PTK2: variants seen among roughly 807,000 people sequenced by gnomAD.
PTK2 encodes the protein protein tyrosine kinase 2, also known as focal adhesion kinase 1.
PTK2 carries 45 observed loss-of-function variants against 150.1 expected under a neutral mutation model. The ratio of observed to expected loss-of-function variants is 0.30; its 90% CI spans 0.24 to 0.38. PTK2 has a LOEUF of 0.38. Ranked by LOEUF, PTK2 falls within the 10% of genes least tolerant of loss-of-function variation. The pLI is 1.00. For synonymous variants in PTK2, 432 were observed against 449.2 expected, an observed-to-expected ratio of 0.96 and a Z score of 0.48; for missense variants, 919 against 1,307.3, an observed-to-expected ratio of 0.70 and a Z score of 4.58.
At chr8:140,925,628 T>G in intron 2 of PTK2, 33 bp downstream of exon 2, 1 of 983,556 alleles carries the variant, frequency 1.0e-6, no homozygotes, top group African/African-American at 1.7e-5. Context: ...CATTATTCAC[T>G]TTCTTTGCAA....
chr8:140,715,992 A>C (rs2100039491), intron 23 of PTK2, among the ~76,000 whole-genome samples: 1 of 152,194 alleles, frequency 6.6e-6, no homozygotes, highest in South Asian at 2.1e-4. Context: ...GTTTTAGGGA[A>C]GTGTTGCATT....
rs1268388822 is a variant in PTK2 at position 140,752,212 on chromosome 8, A to C, written c.1417+20T>G. On this transcript the variant is annotated intron_variant, in intron 17 of 31. Coordinates refer to ENST00000522684, the Ensembl canonical transcript of PTK2. Reference sequence around the variant, plus strand: ...GATAGAAAGTCAAATGGAGTTCCACAGAAATTTCTAGACACTTACAGGCTT... The same window carrying C: ...GATAGAAAGTCAAATGGAGTTCCACCGAAATTTCTAGACACTTACAGGCTT... 1.3e-5 allele frequency: 21 copies of C among 1,590,678 alleles called. No individual in the cohort carries two copies. Among genetic ancestry groups the C allele is most frequent in the Non-Finnish European group, 1.7e-5 (20 of 1,160,658 alleles).
At chr8:140,985,182 G>A (rs2100192859) in intron 1 of PTK2, among the ~76,000 whole-genome samples, 1 of 151,970 alleles carries the variant, frequency 6.6e-6, no homozygotes, top group South Asian at 2.1e-4. Flanking sequence ...AGAGTGCAGT[G>A]GCATGATCAT....
intron 22 of PTK2, among the ~76,000 whole-genome samples, chr8:140,730,930 G>T (rs2100048806): frequency 1.4e-5 from 2 of 144,886 alleles, no homozygotes; most frequent in African/African-American, 5.1e-5. Flanking sequence ...AGAATTAACT[G>T]AAGTAACCAG....
intron 20 of PTK2, among the ~76,000 whole-genome samples, chr8:140,740,604 T>A (rs1339259726): frequency 6.6e-6 from 1 of 152,236 alleles, no homozygotes; most frequent in Non-Finnish European, 1.5e-5. Flanking sequence ...AAGATATCTG[T>A]GTGAATTTGT....
chr8:140,794,151 A>C (rs966136254), intron 12 of PTK2, among the ~76,000 whole-genome samples: 8 of 152,186 alleles, frequency 5.3e-5, no homozygotes, highest in Non-Finnish European at 1.0e-4. Context: ...ATCTGAGCTA[A>C]ATTATTTCAG....
chr8:140,928,725 C>T (rs963826694), intron 1 of PTK2, among the ~76,000 whole-genome samples: 3 of 151,964 alleles, frequency 2.0e-5, no homozygotes, highest in African/African-American at 7.3e-5. Flanking sequence ...TATAACATAT[C>T]GAATGTAGTC....
intron 10 of PTK2, among the ~76,000 whole-genome samples, chr8:140,808,601 A>C (rs2100099503): frequency 6.6e-6 from 1 of 152,190 alleles, no homozygotes; most frequent in African/African-American, 2.4e-5. Context: ...AGCCAATATG[A>C]AATTTTTGGC....
chr8:140,721,711 C>T (rs1424068734), intron 22 of PTK2: 2 of 152,178 alleles, frequency 1.3e-5, no homozygotes, highest in Non-Finnish European at 2.9e-5. Context: ...TCATTATGCT[C>T]TCCCATGCCT....
At chr8:140,949,233 C>T (rs1274835981) in intron 1 of PTK2, among the ~76,000 whole-genome samples, 1 of 152,098 alleles carries the variant, frequency 6.6e-6, no homozygotes, top group African/African-American at 2.4e-5. Flanking sequence ...ATATACAAAA[C>T]GTGTTAATCA....
At chr8:140,792,492 C>T (rs1217912276) in intron 13 of PTK2, among the ~76,000 whole-genome samples, 5 of 152,220 alleles carry the variant, frequency 3.3e-5, no homozygotes, top group African/African-American at 1.2e-4. Flanking sequence ...GCTGATTCTG[C>T]TTTGTATCCA....
chr8:140,772,377 A>C (rs1242685942), intron 14 of PTK2, among the ~76,000 whole-genome samples: 1 of 152,184 alleles, frequency 6.6e-6, no homozygotes, highest in South Asian at 2.1e-4. Context: ...GGACCACAGA[A>C]GCAGAGCCTC....
At chr8:140,770,115 G>A (rs937636911) in intron 14 of PTK2, among the ~76,000 whole-genome samples, 1 of 152,176 alleles carries the variant, frequency 6.6e-6, no homozygotes, top group African/African-American at 2.4e-5. Context: ...ATAAACTGTG[G>A]GGAGTGCAGT....
chr8:140,958,206 T>C (rs2100181861), intron 1 of PTK2, among the ~76,000 whole-genome samples: 3 of 152,208 alleles, frequency 2.0e-5, no homozygotes, highest in African/African-American at 2.4e-5. Context: ...GGTGTGATCA[T>C]GCCTCACTGC....
chr8:140,902,940 T>TTTG (rs1568517208), intron 2 of PTK2, among the ~76,000 whole-genome samples: 48 of 136,602 alleles, frequency 3.5e-4, no homozygotes, highest in Non-Finnish European at 4.5e-4. Flanking sequence ...TTTTTTTTTT[T>TTTG]TTTTTTTTTT....
intron 16 of PTK2, among the ~76,000 whole-genome samples, chr8:140,758,584 A>G (rs1460434984): frequency 6.6e-6 from 1 of 152,204 alleles, no homozygotes; most frequent in East Asian, 1.9e-4. Context: ...GATGATCTCA[A>G]CACTGTGTAG....
intron 14 of PTK2, among the ~76,000 whole-genome samples, chr8:140,787,947 C>T (rs1018259053): frequency 1.3e-5 from 2 of 152,216 alleles, no homozygotes; most frequent in Admixed American, 1.3e-4. Flanking sequence ...GCTCCCTCCT[C>T]CAGACTCCTG....
chr8:140,968,024 TA>T (rs970648165), intron 1 of PTK2, among the ~76,000 whole-genome samples: 1 of 152,200 alleles, frequency 6.6e-6, no homozygotes, highest in Non-Finnish European at 1.5e-5. Context: ...TGCTTCAAAA[TA>T]ATTTTTTAGC....
At chr8:140,899,813 T>C (rs72685704) in intron 2 of PTK2, among the ~76,000 whole-genome samples, 19,469 of 152,226 alleles carry the variant, frequency 0.13, 1,984 homozygotes, top group East Asian at 0.47. Flanking sequence ...AATCAATAAA[T>C]GTGATATATC....
Sources: gnomAD v4.1 joint callset for allele counts (sites outside exome capture counted in the v4.1 genomes callset) on GRCh38, gnomAD v4.1.1 for gene constraint, MANE v1.5 for transcripts, NCBI Gene and HGNC (gene_info 2026-07-23, HGNC 2026-07-21) for gene names.